The following MKS1 variants were observed in gnomAD, a reference collection of about 807,000 sequenced individuals.
The protein encoded by MKS1 is tectonic-like complex member MKS1.
Under a neutral mutation model 83.7 loss-of-function variants are expected in MKS1, and 70 were observed. The observed-to-expected ratio is 0.84, with a 90% CI of 0.69 to 1.02. The LOEUF is 1.02. Ranked by LOEUF, MKS1 falls within the 50% of genes least tolerant of loss-of-function variation. The pLI, the probability that MKS1 is intolerant of heterozygous loss-of-function variation, is 0.00. For missense variants in MKS1, 681 were observed against 726.9 expected (o/e 0.94, Z 0.73); for synonymous variants, 251 against 273.4 (o/e 0.92, Z 0.81).
In MKS1 at chr17:58,212,419, T is replaced by C. The variant is rs201845569; in HGVS notation, c.874A>G (p.Lys292Glu). Residue 292 changes from lysine (K) to glutamate (E), a missense_variant, in exon 9 of 18, where the codon AAG becomes GAG. Lys to Glu is a moderately conservative substitution (Grantham distance 56, BLOSUM62 1). Around this residue, in one of 3 missense-constraint regions of MKS1, gnomAD observed 365 missense variants for 383.8 expected, o/e 0.95. Coordinates refer to ENST00000393119, the MANE Select transcript of MKS1 (RefSeq NM_017777.4). ...CCTACGAGGCTGCTGAGATACTCCTTGTGCCGGCCATAAAGCTGAGGAAAC... is the reference window on the plus strand; with the variant it reads ...CCTACGAGGCTGCTGAGATACTCCTCGTGCCGGCCATAAAGCTGAGGAAAC... ...RVFKDLYGRH[K>E]EYLSSLVGTD... is the part of the protein sequence containing the mutation. The C allele has an allele frequency of 9.9e-5, 159 of 1,614,204 alleles. 1 individual carries two copies. The African/African-American group carries it at 1.9e-3, about 19-fold the overall frequency.
Position 58,219,241 on chromosome 17 carries a change from A to ACGCGC in MKS1, c.-16_-12dup, listed in dbSNP as rs1392134214. Reference sequence around the variant, plus strand: ...GACGGTCTCCGCCATGACAGCTGCGACGCGCCGCGACTGCGCCGGAAAGCG... The same window carrying ACGCGC: ...GACGGTCTCCGCCATGACAGCTGCGACGCGCCGCGCCGCGACTGCGCCGGAAAGCG... On this transcript the variant is annotated 5_prime_UTR_variant, in exon 1 of 18. Coordinates refer to ENST00000393119, the MANE Select transcript of MKS1 (RefSeq NM_017777.4). 1.3e-6 allele frequency: 2 copies of ACGCGC among 1,549,922 alleles called. No homozygotes were observed. The highest frequency in any genetic ancestry group is 4.9e-5 in the East Asian group (2 of 40,914).
In MKS1 at chr17:58,210,966, A is replaced by G. The variant is rs1968838330; in HGVS notation, c.958+14T>C. 2 of 1,613,324 alleles carry G rather than the reference A, an allele frequency of 1.2e-6. No individual in the cohort carries two copies. The highest frequency in any genetic ancestry group is 2.2e-5 in the South Asian group (2 of 91,052). ...GCCTAAGCATCAAGAGATCTATGCT[A>G]GCAAGACACTTACCGACCTCTCCAT... On this transcript the variant is annotated intron_variant, in intron 10 of 17. Transcript: ENST00000393119.
chr17:58,216,611 C>A (rs1411819605), intron 3 of MKS1, 55 bp downstream of exon 3: 1 of 1,566,228 alleles, frequency 6.4e-7, no homozygotes, highest in East Asian at 2.2e-5. Context: ...TATCACCAGC[C>A]ATGTGGAGGT....
intron 3 of MKS1, 104 bp from the exon 4 acceptor site, chr17:58,216,347 T>A: frequency 7.8e-7 from 1 of 1,285,660 alleles, no homozygotes; most frequent in Non-Finnish European, 1.1e-6. Context: ...ACTGATGCTA[T>A]CTGACATGTT....
rs751213678 is a variant in MKS1 at position 58,207,825 on chromosome 17, T to C, written c.1273+69A>G. On this transcript the variant is annotated intron_variant, in intron 14 of 17. Coordinates refer to ENST00000393119, the MANE Select transcript of MKS1 (RefSeq NM_017777.4). ...TTATCTCCACCCCTCACCAGAAGCATTCGAGTGTTAGTCTTGTTCTTAGGG... is the reference window on the plus strand; with the variant it reads ...TTATCTCCACCCCTCACCAGAAGCACTCGAGTGTTAGTCTTGTTCTTAGGG... The C allele has an allele frequency of 4.3e-6, 6 of 1,381,114 alleles. No individual in the cohort carries two copies. The African/African-American group carries it at 5.7e-5, about 13-fold the overall frequency. The allele number at this position is 1,381,114 out of a possible 1,614,324, so 85.6% of individuals were successfully genotyped here.
At chr17:58,211,116 A>C in intron 9 of MKS1, 94 bp from the exon 10 acceptor site, 1 of 1,288,684 alleles carries the variant, frequency 7.8e-7, no homozygotes. Flanking sequence ...ACGACCTGCC[A>C]CTAGGGGTCA....
At position 58,218,651 on chromosome 17, in the gene MKS1, G is replaced by C; in HGVS notation, c.159C>G (p.Asp53Glu). ...TTGGCTGAGGCCTAAAAGTGGCCAA[G>C]TCTATGAGGTCCTTCCCGAGCTCGG... Reference protein sequence around the residue: ...PAAELGKDLIDLATFRPQPTA... With the variant: ...PAAELGKDLIELATFRPQPTA... Residue 53 changes from aspartate (D) to glutamate (E), a missense_variant, in exon 2 of 18, where the codon GAC becomes GAG. Asp to Glu is a conservative substitution (Grantham distance 45). This residue lies in a region of MKS1 where 365 missense variants were observed against 383.8 expected (regional missense o/e 0.95). Coordinates refer to ENST00000393119, the MANE Select transcript of MKS1 (RefSeq NM_017777.4). 1.2e-6 allele frequency: 2 copies of C among 1,613,854 alleles called. No homozygotes were observed. Among genetic ancestry groups the C allele is most frequent in the Middle Eastern group, 3.3e-4 (2 of 6,060 alleles).
At chr17:58,207,872 A>G in intron 14 of MKS1, 22 bp downstream of exon 14, 2 of 1,598,614 alleles carry the variant, frequency 1.3e-6, no homozygotes, top group Non-Finnish European at 1.7e-6. Flanking sequence ...TGGGCCACAG[A>G]AGGGCAGAGA....
In MKS1 at chr17:58,212,999, G is replaced by A. The variant is rs780007842; in HGVS notation, c.841C>T (p.Arg281Trp). 5.6e-6 allele frequency: 9 copies of A among 1,613,922 alleles called. 1 individual carries two copies. The highest frequency in any genetic ancestry group is 2.2e-5 in the South Asian group (2 of 91,088). The change falls in exon 8 of 18, where the codon CGG becomes TGG. Residue 281 changes from arginine to tryptophan, a missense_variant. Arg to Trp is a moderately radical substitution (Grantham distance 101, BLOSUM62 -3). Around this residue, in one of 3 missense-constraint regions of MKS1, gnomAD observed 365 missense variants for 383.8 expected, o/e 0.95. Transcript: ENST00000393119. ...GCGCTTACATCCTTGAACACTCGCC[G>A]TTCCCGCTCCTCCTCCTCCGGCTGT... ...HAQPEEEERE[R>W]RVFKDLYGRH...
intron 1 of MKS1, 128 bp from the exon 2 acceptor site, chr17:58,218,857 G>A (rs1969418623): frequency 2.2e-6 from 2 of 914,630 alleles, no homozygotes; most frequent in Non-Finnish European, 1.7e-6. Flanking sequence ...ACAACGGAGA[G>A]GAGGTGGGTG....
In MKS1 at chr17:58,205,718, G is replaced by T; in HGVS notation, c.*361C>A. 7.5e-7 allele frequency: 1 copy of T among 1,341,172 alleles called. No homozygotes were observed. Among genetic ancestry groups the T allele is most frequent in the Middle Eastern group, 2.0e-4 (1 of 4,932 alleles). The allele number at this position is 1,341,172 out of a possible 1,614,324, so 83.1% of individuals were successfully genotyped here. ...GAAGATGAAAGGCTCCATTTTTAAAGGGTGGAGAACAGCAGATCCCCTGCT... is the reference window on the plus strand; with the variant it reads ...GAAGATGAAAGGCTCCATTTTTAAATGGTGGAGAACAGCAGATCCCCTGCT... On this transcript the variant is annotated 3_prime_UTR_variant, in exon 18 of 18. Coordinates refer to ENST00000393119, the MANE Select transcript of MKS1 (RefSeq NM_017777.4).
chr17:58,211,325 T>C (rs1162290198), intron 9 of MKS1, among the ~76,000 whole-genome samples: 1 of 152,234 alleles, frequency 6.6e-6, no homozygotes, highest in Non-Finnish European at 1.5e-5. Context: ...CCCTCTTCCC[T>C]TTAGATGGCT....
chr17:58,215,973 A>T, intron 4 of MKS1, 115 bp downstream of exon 4: 1 of 1,295,108 alleles, frequency 7.7e-7, no homozygotes, highest in Non-Finnish European at 1.1e-6. Flanking sequence ...AGCAGTTCCT[A>T]GACAGGCTAC....
At chr17:58,211,914 G>A (rs1968900603) in intron 9 of MKS1, among the ~76,000 whole-genome samples, 1 of 151,948 alleles carries the variant, frequency 6.6e-6, no homozygotes. Context: ...TGGCACCCCT[G>A]CCTCTCTATG....
chr17:58,218,359 A>G (rs1044255029), intron 2 of MKS1, among the ~76,000 whole-genome samples: 1 of 147,830 alleles, frequency 6.8e-6, no homozygotes, highest in African/African-American at 2.5e-5. Context: ...GAGGCAGGAG[A>G]ATCGCGTGAA....
Position 58,219,019 on chromosome 17 carries a change from AAAG to A in MKS1, c.80+129_80+131del, listed in dbSNP as rs928548435. The A allele has an allele frequency of 8.3e-6, 11 of 1,322,666 alleles. No homozygotes were observed. The African/African-American group carries it at 1.6e-4, about 19-fold the overall frequency. The allele number at this position is 1,322,666 out of a possible 1,614,324, so 81.9% of individuals were successfully genotyped here. Reference sequence around the variant, plus strand: ...TGAGTGGATGGGGGTACGGATAGTGAAAGAAGTGGGGAGCCCGGAGAAGTGGTC... The same window carrying A: ...TGAGTGGATGGGGGTACGGATAGTGAAAGTGGGGAGCCCGGAGAAGTGGTC... On this transcript the variant is annotated intron_variant, in intron 1 of 17. Coordinates refer to ENST00000393119, the MANE Select transcript of MKS1 (RefSeq NM_017777.4).
intron 14 of MKS1, 155 bp downstream of exon 14, chr17:58,207,739 G>C (rs1372620133): frequency 1.3e-6 from 1 of 748,824 alleles, no homozygotes; most frequent in Non-Finnish European, 2.3e-6. Flanking sequence ...GCTAATGGAG[G>C]GGGGCAGAAA....
rs1220688429 is a variant in MKS1 at position 58,214,801 on chromosome 17, G to T, written c.455C>A (p.Pro152His). 1 of 1,606,426 alleles carries T rather than the reference G, an allele frequency of 6.2e-7. No individual in the cohort carries two copies. The highest frequency in any genetic ancestry group is 8.5e-7 in the Non-Finnish European group (1 of 1,179,726). Reference sequence around the variant, plus strand: ...TGCCATTCGCTCGACCAAGAATGAAGGCACCTCGCTGGCTGCAGTGGTCAT... The same window carrying T: ...TGCCATTCGCTCGACCAAGAATGAATGCACCTCGCTGGCTGCAGTGGTCAT... ...QRMTTAASEV[P>H]SFLVERMANV... Residue 152 changes from proline to histidine, a missense_variant, in exon 5 of 18, where the codon CCT (proline) becomes CAT (histidine). Coordinates refer to ENST00000393119, the MANE Select transcript of MKS1 (RefSeq NM_017777.4).
chr17:58,206,960 A>C, intron 15 of MKS1, 125 bp downstream of exon 15: 1 of 1,376,830 alleles, frequency 7.3e-7, no homozygotes, highest in Non-Finnish European at 1.0e-6. Flanking sequence ...AGCTTAAGCC[A>C]CAGGAAGGAA....
Sources: gnomAD v4.1 joint callset for allele counts (sites outside exome capture counted in the v4.1 genomes callset) on GRCh38, gnomAD v4.1.1 for gene constraint, gnomAD v4.1.1 regional missense constraint, MANE v1.5 for transcripts, NCBI Gene and HGNC (gene_info 2026-07-23, HGNC 2026-07-21) for gene names.